The following TCF20 variants were observed in gnomAD, a reference collection of about 807,000 sequenced individuals.
TCF20 encodes transcription factor 20, also known as SPRE-binding protein.
Under a neutral mutation model 148.6 loss-of-function variants are expected in TCF20, and 3 were observed. That is an observed-to-expected ratio of 0.02 (90% CI 0.01 to 0.05). The LOEUF (loss-of-function observed/expected upper bound fraction) is 0.05, where lower values mean the gene tolerates loss of function less well. Ranked by LOEUF, TCF20 falls within the 10% of genes least tolerant of loss-of-function variation. TCF20 has a pLI of 1.00. For missense variants in TCF20, 2,350 were observed against 2,429.3 expected (o/e 0.97, Z 0.69); for synonymous variants, 1,049 against 909.5 (o/e 1.15, Z -2.76).
In TCF20 at chr22:42,296,199, C is replaced by T. The variant is rs146172714; in HGVS notation, c.-37+47280G>A. 1.9e-3 allele frequency among the ~76,000 whole-genome samples: 287 copies of T among 152,332 alleles called. 10 individuals carry two copies. In the East Asian group the frequency reaches 0.042, roughly 22 times the overall value. On this transcript the variant is annotated intron_variant, in intron 1 of 1. Transcript: ENST00000515426. ...CCATCATGACCACCATCATCATCTT[C>T]AGCAGCAGCCTGGCCTCCCCGAGCC...
chr22:42,176,542 C>T (rs576537771), intron 3 of TCF20, among the ~76,000 whole-genome samples: 7 of 152,180 alleles, frequency 4.6e-5, no homozygotes, highest in East Asian at 3.8e-4. Flanking sequence ...TGGCTGCCTC[C>T]GTGGACAGCC....
chr22:42,164,759 T>C (rs1464721253), intron 5 of TCF20, among the ~76,000 whole-genome samples: 1 of 152,170 alleles, frequency 6.6e-6, no homozygotes. Context: ...GGGAAAGGCT[T>C]CTCTGAGGAA....
At chr22:42,185,748 T>C (rs1230155034) in intron 2 of TCF20, among the ~76,000 whole-genome samples, 1 of 152,248 alleles carries the variant, frequency 6.6e-6, no homozygotes, top group Non-Finnish European at 1.5e-5. Flanking sequence ...CCTAGGTGTT[T>C]TGGTCCTTAC....
intron 1 of TCF20, among the ~76,000 whole-genome samples, chr22:42,245,267 A>AGAGAC (rs1354429494): frequency 1.3e-5 from 2 of 152,078 alleles, no homozygotes; most frequent in Non-Finnish European, 1.5e-5. Flanking sequence ...TTAATTTTGT[A>AGAGAC]GAGACGAGGT....
chr22:42,275,353 T>C (rs1005017608), upstream of TCF20, among the ~76,000 whole-genome samples: 1 of 152,094 alleles, frequency 6.6e-6, no homozygotes, highest in Non-Finnish European at 1.5e-5. Context: ...GACTTACACA[T>C]CTTCCCCACA....
intron 2 of TCF20, among the ~76,000 whole-genome samples, chr22:42,193,196 C>T (rs902164480): frequency 1.3e-5 from 2 of 151,372 alleles, no homozygotes; most frequent in South Asian, 4.2e-4. Context: ...CTCCAAGAGT[C>T]TCCATGAAGA....
At position 42,338,945 on chromosome 22, in the gene TCF20, G is replaced by A. The variant is rs1444492857; in HGVS notation, c.-37+4534C>T. ...GTCTGGTCCCATTTTTCAGATAGGA[G>A]AGGTCATCTATATCCAGGGAGACAG... On this transcript the variant is annotated intron_variant, in intron 1 of 1. Coordinates refer to the TCF20 transcript ENST00000515426. The surrounding 1 kb of genome is among the most constrained non-coding windows in gnomAD (Gnocchi z 4.0). Among the ~76,000 whole-genome samples, 3 of 152,234 alleles carry A rather than the reference G, an allele frequency of 2.0e-5. No homozygotes were observed. Among genetic ancestry groups the A allele is most frequent in the South Asian group, 2.1e-4 (1 of 4,820 alleles).
At chr22:42,161,597 T>C (rs1471411624) in intron 5 of TCF20, among the ~76,000 whole-genome samples, 1 of 152,182 alleles carries the variant, frequency 6.6e-6, no homozygotes, top group Admixed American at 6.5e-5. Context: ...GGTTGGACTC[T>C]GAGGGCTCCT....
chr22:42,195,947 T>C (rs1937586487), intron 2 of TCF20, among the ~76,000 whole-genome samples: 1 of 152,190 alleles, frequency 6.6e-6, no homozygotes, highest in Non-Finnish European at 1.5e-5. Flanking sequence ...ATGCCAGGCA[T>C]TAGGGTGGGC....
chr22:42,206,622 A>C (rs1316094875), intron 2 of TCF20, among the ~76,000 whole-genome samples: 3 of 152,188 alleles, frequency 2.0e-5, no homozygotes, highest in Admixed American at 2.0e-4. Flanking sequence ...AGGGGAAGTG[A>C]ATCTTCTACC....
At chr22:42,308,539 C>A in intron 1 of TCF20, among the ~76,000 whole-genome samples, 1 of 152,090 alleles carries the variant, frequency 6.6e-6, no homozygotes, top group East Asian at 1.9e-4. Context: ...TAGGTGAAGC[C>A]ACGAATCCAA....
chr22:42,288,537 G>GA (rs397867980), upstream of TCF20, among the ~76,000 whole-genome samples: 15,254 of 73,302 alleles, frequency 0.21, 1,624 homozygotes, highest in East Asian at 0.36. Flanking sequence ...TCCATCTCAG[G>GA]AAAAAAAAAA....
intron 1 of TCF20, among the ~76,000 whole-genome samples, chr22:42,264,992 T>A (rs1054384674): frequency 6.6e-6 from 1 of 152,260 alleles, no homozygotes; most frequent in Non-Finnish European, 1.5e-5. Flanking sequence ...ATATGCATAC[T>A]GCAATAATGA....
chr22:42,211,280 C>T lies in TCF20; in HGVS notation c.4026G>A (p.Leu1342=), dbSNP rs756521213. Residue 1342 remains leucine (L), a synonymous_variant, in exon 2 of 6, where the codon CTG becomes CTA. Coordinates refer to ENST00000677622, the MANE Select transcript of TCF20 (RefSeq NM_001378418.1). ...TLTSPAKTKI[L]PPRKGRGLKL... is the part of the protein sequence containing the mutation. ...TCAATCCCCGTCCTTTCCGTGGGGG[C>T]AGTATTTTGGTCTTAGCAGGGCTTG... 1 of 1,614,116 alleles carries T rather than the reference C, an allele frequency of 6.2e-7. No individual in the cohort carries two copies. Among genetic ancestry groups the T allele is most frequent in the Admixed American group, 1.7e-5 (1 of 60,016 alleles).
chr22:42,238,103 A>G (rs1924042123), intron 1 of TCF20, among the ~76,000 whole-genome samples: 1 of 152,226 alleles, frequency 6.6e-6, no homozygotes, highest in Non-Finnish European at 1.5e-5. Context: ...ATAAGGCTAC[A>G]CTGAATATCT....
chr22:42,273,147 G>A (rs1926683441), upstream of TCF20, among the ~76,000 whole-genome samples: 1 of 151,716 alleles, frequency 6.6e-6, no homozygotes, highest in South Asian at 2.1e-4. Context: ...ATCACCTGAG[G>A]TCAGGAGTTC....
intron 3 of TCF20, 150 bp downstream of exon 3, chr22:42,179,459 C>T (rs1297721521): frequency 7.6e-6 from 4 of 528,674 alleles, no homozygotes; most frequent in Non-Finnish European, 1.3e-5. Context: ...ATGAGTGCTG[C>T]TAATGGGTGG....
intron 1 of TCF20, among the ~76,000 whole-genome samples, chr22:42,217,547 C>T (rs900543797): frequency 1.3e-5 from 2 of 152,318 alleles, no homozygotes; most frequent in Admixed American, 6.5e-5. Context: ...CTGTTCCTTG[C>T]TGTAATCCTC....
At chr22:42,259,855 G>A (rs1055020198) in intron 1 of TCF20, among the ~76,000 whole-genome samples, 2 of 152,198 alleles carry the variant, frequency 1.3e-5, no homozygotes, top group African/African-American at 4.8e-5. Context: ...ATAAATTCAG[G>A]CTGTTCATGG....
Sources: allele counts gnomAD v4.1 joint callset (sites outside exome capture counted in the v4.1 genomes callset), GRCh38; gene constraint gnomAD v4.1.1; non-coding constraint Gnocchi (gnomAD v3.1); transcripts MANE v1.5; gene names NCBI Gene and HGNC (gene_info 2026-07-23, HGNC 2026-07-21).